The following CELSR1 variants were observed in gnomAD, a reference collection of about 807,000 sequenced individuals.
The protein encoded by CELSR1 is cadherin EGF LAG seven-pass G-type receptor 1, also known as adhesion G protein-coupled receptor C1.
Under a neutral mutation model 249.1 loss-of-function variants are expected in CELSR1, and 110 were observed. The ratio of observed to expected loss-of-function variants is 0.44; its 90% confidence interval spans 0.38 to 0.52. CELSR1 has a LOEUF of 0.52. Ranked by LOEUF, CELSR1 falls within the 20% of genes least tolerant of loss-of-function variation. The probability of loss-of-function intolerance (pLI) is 0.00; values close to 1 mark genes in which losing one functional copy is unlikely to be tolerated. For synonymous variants in CELSR1, 2,113 were observed against 1,900.0 expected (o/e 1.11, Z -2.92); for missense variants, 4,109 against 4,296.4 (o/e 0.96, Z 1.22).
intron 3 of CELSR1, 80 bp downstream of exon 3, chr22:46,439,109 T>C (rs1157808935): frequency 3.0e-6 from 4 of 1,345,578 alleles, no homozygotes; most frequent in East Asian, 2.3e-5. Context: ...AACGTCACGA[T>C]CTAGAGGGAT....
chr22:46,369,283 T>C, intron 26 of CELSR1, 25 bp from the exon 27 acceptor site: 3 of 374,832 alleles, frequency 8.0e-6, no homozygotes, highest in South Asian at 2.9e-5. Context: ...AGCCGATCAA[T>C]GTCTTCTCTC....
chr22:46,361,866 G>A lies in CELSR1; in HGVS notation c.*1357C>T, dbSNP rs571531942. 10 of 152,334 alleles carry A rather than the reference G, an allele frequency of 6.6e-5. No homozygotes were observed. Among genetic ancestry groups the A allele is most frequent in the South Asian group, 2.1e-4 (1 of 4,828 alleles). 9.4% of individuals were successfully genotyped at this position (152,334 alleles called of 1,614,324 possible). ...AAAATCAAACATGTCTGACAGTTCC[G>A]GGACCCGTTCCACAGCCCCTCGGGC... is the stretch of plus-strand genomic sequence containing the variant. On this transcript the variant is annotated 3_prime_UTR_variant, in exon 35 of 35. Transcript: ENST00000674500.
intron 1 of CELSR1, among the ~76,000 whole-genome samples, chr22:46,470,517 A>G (rs2080145224): frequency 6.6e-6 from 1 of 152,160 alleles, no homozygotes; most frequent in Admixed American, 6.6e-5. Flanking sequence ...CATAACAGAC[A>G]GAAAATAGCA....
rs968636827 is a variant in CELSR1 at position 46,506,056 on chromosome 22, G to T, written c.3544+27571C>A. 6.6e-6 allele frequency among the ~76,000 whole-genome samples: 1 copy of T among 151,900 alleles called. No homozygotes were observed. Among genetic ancestry groups the T allele is most frequent in the Non-Finnish European group, 1.5e-5 (1 of 68,000 alleles). ...TAGCAGGGCATGGTGGCAGGCACCT[G>T]TAATCCCAGCTACTCGGGAGGCTGA... On this transcript the variant is annotated intron_variant, in intron 1 of 34. Coordinates refer to ENST00000674500, the MANE Select transcript of CELSR1 (RefSeq NM_001378328.1). This position sits in a 1 kb window ranked among gnomAD's most constrained non-coding sequence, Gnocchi z 4.1.
At chr22:46,481,277 T>C (rs761622602) in intron 1 of CELSR1, 1 of 459,992 alleles carries the variant, frequency 2.2e-6, no homozygotes, top group Non-Finnish European at 4.0e-6. Context: ...CAATTCCTTA[T>C]AAAAAATACA....
At position 46,381,002 on chromosome 22, in the gene CELSR1, A is replaced by C; in HGVS notation, c.7089-47T>G. On this transcript the variant is annotated intron_variant, in intron 21 of 34. Transcript: ENST00000674500. The surrounding 1 kb of genome is among the most constrained non-coding windows in gnomAD (Gnocchi z 6.0). Reference sequence around the variant, plus strand: ...ATGGGGACAAACACGGTGAGGAAACATCTGCTTAAATCCCGCGCACAAATG... The same window carrying C: ...ATGGGGACAAACACGGTGAGGAAACCTCTGCTTAAATCCCGCGCACAAATG... The C allele has an allele frequency of 1.9e-6, 3 of 1,582,878 alleles. No homozygotes were observed. Among genetic ancestry groups the C allele is most frequent in the Non-Finnish European group, 1.7e-6 (2 of 1,157,032 alleles).
At chr22:46,368,962 T>G (rs1484885130) in intron 27 of CELSR1, among the ~76,000 whole-genome samples, 1 of 150,802 alleles carries the variant, frequency 6.6e-6, no homozygotes, top group African/African-American at 2.5e-5. Context: ...TCCCTTCAGC[T>G]AACCTCCTCC....
chr22:46,405,353 G>A (rs1370505290), intron 9 of CELSR1, among the ~76,000 whole-genome samples: 2 of 151,272 alleles, frequency 1.3e-5, no homozygotes, highest in South Asian at 2.1e-4. Context: ...CCAACTACTC[G>A]GGAGGCTGAG....
Position 46,534,904 on chromosome 22 carries a change from T to G in CELSR1, c.2267A>C (p.Gln756Pro). 1 of 1,612,604 alleles carries G rather than the reference T, an allele frequency of 6.2e-7. No individual in the cohort carries two copies. Among genetic ancestry groups the G allele is most frequent in the Non-Finnish European group, 8.5e-7 (1 of 1,180,006 alleles). Residue 756 changes from glutamine (Q) to proline (P), a missense_variant, in exon 1 of 35, where the codon CAG (glutamine) becomes CCG (proline). Physicochemically the swap from Gln to Pro is moderately conservative, Grantham distance 76. This residue lies in a region of CELSR1 where 886 missense variants were observed against 896.5 expected (regional missense o/e 0.99). Coordinates refer to ENST00000674500, the MANE Select transcript of CELSR1 (RefSeq NM_001378328.1). This position sits in a 1 kb window ranked among gnomAD's most constrained non-coding sequence, Gnocchi z 9.7. ...LALPLDYKQE[Q>P]QYVLAVTASD... is the part of the protein sequence containing the mutation. ...TGCTGTCACCGCCAGCACGTACTGC[T>G]GCTCCTGCTTGTAGTCCAGAGGTAG...
intron 32 of CELSR1, 99 bp from the exon 33 acceptor site, chr22:46,364,835 A>T: frequency 8.3e-7 from 1 of 1,201,348 alleles, no homozygotes; most frequent in Non-Finnish European, 1.2e-6. Context: ...CCTCTCCCCA[A>T]CCTGCAGGCC....
At position 46,396,795 on chromosome 22, in the gene CELSR1, T is replaced by TC. The variant is rs2079152898; in HGVS notation, c.5702-50dup. The TC allele has an allele frequency of 6.3e-7, 1 of 1,590,896 alleles. No individual in the cohort carries two copies. The highest frequency in any genetic ancestry group is 2.3e-5 in the East Asian group (1 of 43,446). On this transcript the variant is annotated intron_variant, in intron 12 of 34. Transcript: ENST00000674500. This position sits in a 1 kb window ranked among gnomAD's most constrained non-coding sequence, Gnocchi z 6.4. ...CCTCCACCCACAATCCACGAGACCT[T>TC]CCACGTTAAAATATCTGGAGCAACC...
At chr22:46,443,321 C>G (rs1440859868) in intron 2 of CELSR1, among the ~76,000 whole-genome samples, 1 of 152,194 alleles carries the variant, frequency 6.6e-6, no homozygotes, top group Non-Finnish European at 1.5e-5. Flanking sequence ...TCCCCTCCAC[C>G]CCAGGAGTCA....
chr22:46,458,660 G>A (rs2079984614), intron 2 of CELSR1, among the ~76,000 whole-genome samples: 1 of 152,156 alleles, frequency 6.6e-6, no homozygotes, highest in African/African-American at 2.4e-5. Context: ...GAGGCCCGGG[G>A]CATCTGACCC....
chr22:46,533,345 T>C (rs1448835686), intron 1 of CELSR1, among the ~76,000 whole-genome samples: 2 of 152,226 alleles, frequency 1.3e-5, no homozygotes, highest in Non-Finnish European at 2.9e-5. Flanking sequence ...CAGGAGCCAC[T>C]AGCCTGCTGA....
chr22:46,456,982 G>A (rs893603222), intron 2 of CELSR1, among the ~76,000 whole-genome samples: 27 of 152,214 alleles, frequency 1.8e-4, no homozygotes, highest in Admixed American at 1.3e-3. Context: ...GCACTGAAGC[G>A]CTCCCAAGTG....
At chr22:46,444,190 C>T (rs771006293) in intron 2 of CELSR1, among the ~76,000 whole-genome samples, 1 of 152,234 alleles carries the variant, frequency 6.6e-6, no homozygotes, top group Admixed American at 6.5e-5. Context: ...TCCCCTCATC[C>T]GAGGGCTGGA....
intron 27 of CELSR1, 33 bp from the exon 28 acceptor site, chr22:46,367,888 C>G (rs756058174): frequency 6.3e-7 from 1 of 1,590,576 alleles, no homozygotes; most frequent in Non-Finnish European, 8.6e-7. Flanking sequence ...CTGTGCCCAT[C>G]GCCACCACCT....
In CELSR1 at chr22:46,380,218, G is replaced by A. The variant is rs902291018; in HGVS notation, c.7256+570C>T. 5.3e-5 allele frequency among the ~76,000 whole-genome samples: 8 copies of A among 152,272 alleles called. No individual in the cohort carries two copies. The highest frequency in any genetic ancestry group is 2.1e-4 in the South Asian group (1 of 4,824). ...CATGGATGCTAGAACACAGATTCTC[G>A]CGCACAGATTCTCCTGCGTTCGCCA... On this transcript the variant is annotated intron_variant, in intron 22 of 34. Coordinates refer to ENST00000674500, the MANE Select transcript of CELSR1 (RefSeq NM_001378328.1). The surrounding 1 kb of genome is among the most constrained non-coding windows in gnomAD (Gnocchi z 5.1).
At chr22:46,444,189 C>T (rs1167472888) in intron 2 of CELSR1, among the ~76,000 whole-genome samples, 1 of 152,228 alleles carries the variant, frequency 6.6e-6, no homozygotes, top group East Asian at 1.9e-4. Flanking sequence ...CTCCCCTCAT[C>T]CGAGGGCTGG....
Sources: allele counts gnomAD v4.1 joint callset (sites outside exome capture counted in the v4.1 genomes callset), GRCh38; gene constraint gnomAD v4.1.1; regional missense constraint gnomAD v4.1.1; non-coding constraint Gnocchi (gnomAD v3.1); transcripts MANE v1.5; gene names NCBI Gene and HGNC (gene_info 2026-07-23, HGNC 2026-07-21).